The following TENM4 variants were observed in gnomAD, a reference collection of about 807,000 sequenced individuals.
The protein encoded by TENM4 is teneurin transmembrane protein 4.
Under a neutral mutation model 243.3 loss-of-function variants are expected in TENM4, and 82 were observed. That is an observed-to-expected ratio of 0.34 (90% CI 0.28 to 0.40). The LOEUF (loss-of-function observed/expected upper bound fraction) is 0.40, where lower values mean the gene tolerates loss of function less well. TENM4 is among the 10% of genes least tolerant of loss of function. The pLI is 1.00. For missense variants in TENM4, 3,138 were observed against 3,673.3 expected (o/e 0.85, Z 3.77); for synonymous variants, 1,412 against 1,456.3 (o/e 0.97, Z 0.69).
intron 3 of TENM4, among the ~76,000 whole-genome samples, chr11:79,197,355 A>ATTTTT (rs1565245686): frequency 0.027 from 3,955 of 145,206 alleles, 133 homozygotes; most frequent in East Asian, 0.17. Context: ...TTTTTTTTTA[A>ATTTTT]AAAGCCCCTG....
intron 6 of TENM4, among the ~76,000 whole-genome samples, chr11:79,059,672 G>T (rs1000867908): frequency 6.6e-6 from 1 of 152,182 alleles, no homozygotes; most frequent in African/African-American, 2.4e-5. Context: ...ACATGGTTGT[G>T]CATCCATTAC....
At chr11:78,763,342 C>T (rs1446391178) in intron 18 of TENM4, among the ~76,000 whole-genome samples, 2 of 152,084 alleles carry the variant, frequency 1.3e-5, no homozygotes, top group Non-Finnish European at 2.9e-5. Context: ...CCATGCTGCA[C>T]TCGAGTGGCC....
intron 6 of TENM4, among the ~76,000 whole-genome samples, chr11:78,975,648 A>C (rs1298981062): frequency 4.6e-5 from 7 of 151,762 alleles, no homozygotes; most frequent in African/African-American, 1.7e-4. Context: ...TCCTCCCTCC[A>C]TTCAATTTAT....
intron 17 of TENM4, among the ~76,000 whole-genome samples, chr11:78,773,596 G>A (rs1435946545): frequency 1.3e-5 from 2 of 152,298 alleles, no homozygotes; most frequent in Non-Finnish European, 1.5e-5. Flanking sequence ...AAGACCCAGA[G>A]AATAAATAGT....
At chr11:79,273,305 C>A (rs1366032639) in intron 2 of TENM4, among the ~76,000 whole-genome samples, 1 of 152,148 alleles carries the variant, frequency 6.6e-6, no homozygotes, top group East Asian at 1.9e-4. Flanking sequence ...GTTAAAGTAA[C>A]CATCTTAAAC....
intron 6 of TENM4, among the ~76,000 whole-genome samples, chr11:79,044,129 A>T (rs1048985290): frequency 4.6e-5 from 7 of 152,228 alleles, no homozygotes; most frequent in Non-Finnish European, 5.9e-5. Flanking sequence ...GAATGGCCTC[A>T]TTAGACCAAA....
intron 9 of TENM4, among the ~76,000 whole-genome samples, chr11:78,865,484 C>T (rs1858947430): frequency 6.6e-6 from 1 of 152,132 alleles, no homozygotes; most frequent in Non-Finnish European, 1.5e-5. Context: ...AAACAGCCTC[C>T]AAGGCTTTTA....
Position 79,316,536 on chromosome 11 carries a change from A to G in TENM4, c.-320-18993T>C, listed in dbSNP as rs528052288. ...ATTACTGTCTGCAGAGTTACTTTAA[A>G]GTGCTCTTGACTTCCTTTTTTATTT... On this transcript the variant is annotated intron_variant, in intron 1 of 33. Transcript: ENST00000278550. 1.2e-3 allele frequency among the ~76,000 whole-genome samples: 186 copies of G among 152,342 alleles called. 1 individual carries two copies. Among genetic ancestry groups the G allele is most frequent in the African/African-American group, 4.3e-3 (180 of 41,572 alleles).
At chr11:79,261,137 TA>T (rs1855788763) in intron 2 of TENM4, among the ~76,000 whole-genome samples, 1 of 152,134 alleles carries the variant, frequency 6.6e-6, no homozygotes, top group Non-Finnish European at 1.5e-5. Context: ...GTCTAGTGGG[TA>T]ATTTCTGACC....
intron 1 of TENM4, among the ~76,000 whole-genome samples, chr11:79,314,921 G>A (rs1856779919): frequency 6.6e-6 from 1 of 152,186 alleles, no homozygotes; most frequent in Non-Finnish European, 1.5e-5. Flanking sequence ...AACTTCTCAG[G>A]TGATTCTAAT....
At chr11:79,328,709 G>A (rs1355792556) in intron 1 of TENM4, among the ~76,000 whole-genome samples, 1 of 152,170 alleles carries the variant, frequency 6.6e-6, no homozygotes, top group East Asian at 1.9e-4. Context: ...GCCCGCTTCT[G>A]TTCTGAGTTG....
At chr11:79,415,517 G>A (rs1858794123) in intron 1 of TENM4, among the ~76,000 whole-genome samples, 1 of 152,210 alleles carries the variant, frequency 6.6e-6, no homozygotes, top group Non-Finnish European at 1.5e-5. Flanking sequence ...CAGGAATGAT[G>A]TGATGTAGGT....
At chr11:78,883,434 T>A (rs1855481508) in intron 9 of TENM4, among the ~76,000 whole-genome samples, 12 of 152,184 alleles carry the variant, frequency 7.9e-5, no homozygotes, top group Admixed American at 7.2e-4. Flanking sequence ...TCCTTCCTGA[T>A]GAGAACCCCA....
At chr11:78,983,837 A>G (rs1857860167) in intron 6 of TENM4, among the ~76,000 whole-genome samples, 1 of 152,242 alleles carries the variant, frequency 6.6e-6, no homozygotes, top group Non-Finnish European at 1.5e-5. Context: ...AGAGGGAGGC[A>G]GGAGCCCTGG....
At chr11:79,268,600 C>T (rs961424) in intron 2 of TENM4, among the ~76,000 whole-genome samples, 110,264 of 152,052 alleles carry the variant, frequency 0.73, 40,684 homozygotes, top group African/African-American at 0.85. Flanking sequence ...AACCCCAAAC[C>T]CAACACTATC....
intron 2 of TENM4, among the ~76,000 whole-genome samples, chr11:79,288,286 T>G (rs535946842): frequency 2.6e-5 from 4 of 152,326 alleles, no homozygotes; most frequent in Admixed American, 1.3e-4. Flanking sequence ...TCCTTACCAC[T>G]GGAATATCTT....
intron 3 of TENM4, among the ~76,000 whole-genome samples, chr11:79,213,365 C>A (rs912154728): frequency 6.6e-6 from 1 of 151,982 alleles, no homozygotes; most frequent in Non-Finnish European, 1.5e-5. Context: ...AGGTCCCTGC[C>A]CTTGTGGAGC....
At chr11:78,875,008 G>C (rs1859230115) in intron 9 of TENM4, among the ~76,000 whole-genome samples, 1 of 152,186 alleles carries the variant, frequency 6.6e-6, no homozygotes, top group South Asian at 2.1e-4. Context: ...GAGAACAGCA[G>C]AATCAGATAC....
At chr11:79,066,836 A>G (rs1406709226) in intron 5 of TENM4, among the ~76,000 whole-genome samples, 1 of 152,196 alleles carries the variant, frequency 6.6e-6, no homozygotes, top group Non-Finnish European at 1.5e-5. Context: ...CGGGGAGGAG[A>G]GACCAGCTGG....
Sources: allele counts gnomAD v4.1 joint callset (sites outside exome capture counted in the v4.1 genomes callset), GRCh38; gene constraint gnomAD v4.1.1; transcripts MANE v1.5; gene names NCBI Gene and HGNC (gene_info 2026-07-23, HGNC 2026-07-21).